Variants in ZNF415 observed in about 807,000 individuals in gnomAD.
ZNF415 encodes zinc finger protein 415.
Under a neutral mutation model 7.3 loss-of-function variants are expected in ZNF415, and 5 were observed. That is an observed-to-expected ratio of 0.69 (90% confidence interval 0.36 to 1.44). The LOEUF is 1.44. ZNF415 is among the 40% of genes most tolerant of loss of function. The pLI is 0.04. For synonymous variants in ZNF415, 207 were observed against 226.3 expected, an observed-to-expected ratio of 0.91 and a Z score of 0.77; for missense variants, 628 against 664.8, an observed-to-expected ratio of 0.94 and a Z score of 0.61.
intron 1 of ZNF415, among the ~76,000 whole-genome samples, chr19:53,131,881 G>A (rs561200318): frequency 2.6e-4 from 40 of 151,632 alleles, no homozygotes; most frequent in African/African-American, 9.7e-4. Flanking sequence ...AGGCCTCCCC[G>A]TGCTGTGGTT....
rs1225507341 is a variant in ZNF415 at position 53,108,659 on chromosome 19, A to G, written c.1386T>C (p.His462=). 6.2e-7 allele frequency: 1 copy of G among 1,614,084 alleles called. No individual in the cohort carries two copies. Among genetic ancestry groups the G allele is most frequent in the Admixed American group, 1.7e-5 (1 of 60,000 alleles). The part of the protein sequence containing the change: ...HSNLTTHQVI[H]TGEKPYKCNQ... ...TACATTTGTAAGGCTTCTCTCCAGT[A>G]TGGATGACCTGATGGGTAGTTAAGT... The change falls in exon 4 of 4, where the codon CAT becomes CAC. Residue 462 remains histidine (H), a synonymous_variant. Coordinates refer to ENST00000243643, the MANE Select transcript of ZNF415 (RefSeq NM_018355.4).
At chr19:53,132,254 ATTCACAGGACGGTTT>A (rs1220300739) in intron 1 of ZNF415, among the ~76,000 whole-genome samples, 3 of 152,062 alleles carry the variant, frequency 2.0e-5, no homozygotes, top group Non-Finnish European at 2.9e-5. Flanking sequence ...TGGCCCACAC[ATTCACAGGACGGTTT>A]GGGGTAAGAC....
intron 2 of ZNF415, among the ~76,000 whole-genome samples, chr19:53,119,903 A>AG (rs1276769701): frequency 6.6e-6 from 1 of 152,156 alleles, no homozygotes; most frequent in Non-Finnish European, 1.5e-5. Flanking sequence ...AGGAATAAAA[A>AG]GTCTCTGAAC....
In ZNF415 at chr19:53,109,707, G is replaced by C; in HGVS notation, c.338C>G (p.Ala113Gly). 6.2e-7 allele frequency: 1 copy of C among 1,613,882 alleles called. No individual in the cohort carries two copies. Among genetic ancestry groups the C allele is most frequent in the Non-Finnish European group, 8.5e-7 (1 of 1,179,952 alleles). ...DERNCNKVTT[A>G]PKENLTCRRD... is the part of the protein sequence containing the mutation. Reference sequence around the variant, plus strand: ...CCTACAAGTAAGATTTTCTTTTGGGGCCGTAGTCACTTTGTTGCAATTTCT... The same window carrying C: ...CCTACAAGTAAGATTTTCTTTTGGGCCCGTAGTCACTTTGTTGCAATTTCT... Residue 113 changes from alanine to glycine, a missense_variant, in exon 4 of 4, where the codon GCC becomes GGC. By Grantham distance (60) the Ala-to-Gly change is moderately conservative (BLOSUM62 0). Transcript: ENST00000243643.
At chr19:53,112,320 C>T (rs1016259190) in intron 3 of ZNF415, among the ~76,000 whole-genome samples, 1 of 152,154 alleles carries the variant, frequency 6.6e-6, no homozygotes, top group African/African-American at 2.4e-5. Context: ...GTGTGGAAAA[C>T]TATCAGTCAC....
intron 3 of ZNF415, among the ~76,000 whole-genome samples, chr19:53,113,001 G>C (rs1030138692): frequency 6.6e-6 from 1 of 151,762 alleles, no homozygotes; most frequent in Admixed American, 6.6e-5. Flanking sequence ...CAGGAGCATC[G>C]CTTGAACCTG....
At chr19:53,111,563 G>A (rs1045660675) in intron 3 of ZNF415, among the ~76,000 whole-genome samples, 1 of 151,764 alleles carries the variant, frequency 6.6e-6, no homozygotes, top group Non-Finnish European at 1.5e-5. Flanking sequence ...GGCTGGTCTC[G>A]AACTTCTGAC....
intron 1 of ZNF415, among the ~76,000 whole-genome samples, chr19:53,124,556 A>G (rs909669950): frequency 2.0e-5 from 3 of 152,214 alleles, no homozygotes; most frequent in African/African-American, 4.8e-5. Context: ...TCACATTTCA[A>G]CATGAGAGTT....
intron 3 of ZNF415, 21 bp downstream of exon 3, chr19:53,116,292 C>T: frequency 2.5e-6 from 4 of 1,589,870 alleles, no homozygotes; most frequent in Non-Finnish European, 3.4e-6. Flanking sequence ...ATTTTGACTT[C>T]TGGAAGAAAA....
chr19:53,124,857 T>C (rs1248306002), intron 1 of ZNF415, among the ~76,000 whole-genome samples: 1 of 151,864 alleles, frequency 6.6e-6, no homozygotes, highest in East Asian at 1.9e-4. Flanking sequence ...AATAGGAGAA[T>C]GGAAGAGGTG....
intron 1 of ZNF415, chr19:53,123,474 G>C (rs2088492291): frequency 5.0e-6 from 2 of 398,816 alleles, no homozygotes; most frequent in Non-Finnish European, 8.8e-6. Context: ...TTGGAACCGA[G>C]ACCTGGGGAA....
chr19:53,108,800 A>G lies in ZNF415; in HGVS notation c.1245T>C (p.Asn415=), dbSNP rs1229338677. Residue 415 remains asparagine, a synonymous_variant, in exon 4 of 4, where the codon AAT becomes AAC. Transcript: ENST00000243643. ...IHTGEKPYKC[N]ECGKVFSYNS... The stretch of plus-strand genomic sequence containing the variant: ...TGTAACTGAAAACCTTACCACATTC[A>G]TTGCATTTGTAAGGTTTCTCTCCAG... 7.4e-6 allele frequency: 12 copies of G among 1,613,228 alleles called. No individual in the cohort carries two copies. In the East Asian group the frequency reaches 2.5e-4, roughly 33 times the overall value.
intron 3 of ZNF415, chr19:53,115,842 AATGAATGGAAC>A (rs1443246781): frequency 2.7e-6 from 4 of 1,499,936 alleles, no homozygotes; most frequent in Non-Finnish European, 3.6e-6. Context: ...CCGCTTATAA[AATGAATGGAAC>A]ATGATGTGCT....
At chr19:53,110,809 T>TGA (rs1460230036) in intron 3 of ZNF415, among the ~76,000 whole-genome samples, 1 of 152,170 alleles carries the variant, frequency 6.6e-6, no homozygotes, top group Non-Finnish European at 1.5e-5. Flanking sequence ...AAAGAAGAAT[T>TGA]GAAGAACAAA....
chr19:53,127,414 C>G (rs907303237), intron 1 of ZNF415, among the ~76,000 whole-genome samples: 9 of 152,180 alleles, frequency 5.9e-5, no homozygotes, highest in African/African-American at 1.9e-4. Flanking sequence ...CACTGACCCA[C>G]GACAATGTAT....
intron 1 of ZNF415, among the ~76,000 whole-genome samples, chr19:53,130,591 A>G (rs919409609): frequency 6.6e-6 from 1 of 152,234 alleles, no homozygotes; most frequent in African/African-American, 2.4e-5. Context: ...TGAACTATAC[A>G]TGAGATGAAA....
rs142532249 is a variant in ZNF415 at position 53,109,478 on chromosome 19, A to C, written c.567T>G (p.Val189=). ...QIISSTIKTH[V]SNKYGTDFIC... is the part of the protein sequence containing the mutation. ...TGAAATCAGTCCCATATTTATTAGA[A>C]ACATGGGTTTTGATGGTAGAAGAAA... is the stretch of plus-strand genomic sequence containing the variant. Residue 189 remains valine, a synonymous_variant, in exon 4 of 4, where the codon GTT becomes GTG. Coordinates refer to ENST00000243643, the MANE Select transcript of ZNF415 (RefSeq NM_018355.4). 1 of 1,614,098 alleles carries C rather than the reference A, an allele frequency of 6.2e-7. No individual in the cohort carries two copies. The highest frequency in any genetic ancestry group is 1.1e-5 in the South Asian group (1 of 91,076).
chr19:53,115,477 T>A (rs968739144), intron 3 of ZNF415: 11 of 558,962 alleles, frequency 2.0e-5, no homozygotes, highest in Non-Finnish European at 3.5e-5. Context: ...TCCATCATGA[T>A]GAGCACTTCC....
rs940622770 is a variant in ZNF415 at position 53,122,864 on chromosome 19, C to T, written c.-67-121G>A. On this transcript the variant is annotated intron_variant, in intron 1 of 3. Transcript: ENST00000243643. ...TGCAAAGACGGTCCTCTGCCGCCCA[C>T]TACACCAGGGTGGCCCCAGGGACAA... 4 of 695,778 alleles carry T rather than the reference C, an allele frequency of 5.7e-6. No individual in the cohort carries two copies. The African/African-American group carries it at 7.0e-5, about 12-fold the overall frequency. 43.1% of individuals were successfully genotyped at this position (695,778 alleles called of 1,614,324 possible).
Sources: gnomAD v4.1 joint callset for allele counts (sites outside exome capture counted in the v4.1 genomes callset) on GRCh38, gnomAD v4.1.1 for gene constraint, MANE v1.5 for transcripts, NCBI Gene and HGNC (gene_info 2026-07-23, HGNC 2026-07-21) for gene names.